Variants in SRD5A1 observed in about 807,000 individuals in gnomAD.
The protein encoded by SRD5A1 is steroid 5 alpha-reductase 1.
In SRD5A1, 22 loss-of-function variants were observed where a neutral mutation model predicts 28.2. The observed-to-expected ratio is 0.78, with a 90% CI of 0.56 to 1.12. The LOEUF is 1.12. Among genes scored for constraint, SRD5A1 ranks in the 50% most tolerant of loss-of-function variants. The pLI, the probability that SRD5A1 is intolerant of heterozygous loss-of-function variation, is 0.00. For synonymous variants in SRD5A1, 151 were observed against 135.0 expected (o/e 1.12, Z -0.82); for missense variants, 300 against 346.7 (o/e 0.87, Z 1.07).
intron 1 of SRD5A1, among the ~76,000 whole-genome samples, chr5:6,651,621 C>G (rs1738674311): frequency 6.6e-6 from 1 of 152,164 alleles, no homozygotes; most frequent in African/African-American, 2.4e-5. Context: ...GATCAAGCCA[C>G]TGTACTGCAG....
At chr5:6,646,377 G>A (rs548097884) in intron 1 of SRD5A1, among the ~76,000 whole-genome samples, 4 of 152,202 alleles carry the variant, frequency 2.6e-5, no homozygotes, top group Admixed American at 2.0e-4. Flanking sequence ...GGATTGCTGG[G>A]GCAAATGGTA....
chr5:6,667,095 T>C (rs1739207846), intron 4 of SRD5A1, among the ~76,000 whole-genome samples: 3 of 152,290 alleles, frequency 2.0e-5, no homozygotes, highest in African/African-American at 4.8e-5. Flanking sequence ...CCAGCGAACA[T>C]GTTTGCAATG....
intron 2 of SRD5A1, among the ~76,000 whole-genome samples, chr5:6,654,748 A>C (rs995793582): frequency 3.3e-5 from 5 of 152,262 alleles, no homozygotes; most frequent in Non-Finnish European, 7.3e-5. Context: ...TTAAGATCTT[A>C]TAAATGGAAT....
intron 1 of SRD5A1, among the ~76,000 whole-genome samples, chr5:6,646,350 G>A (rs545281875): frequency 6.6e-6 from 1 of 152,114 alleles, no homozygotes; most frequent in Non-Finnish European, 1.5e-5. Flanking sequence ...AATCCTTTGG[G>A]TATATACCCA....
At chr5:6,640,228 G>C (rs1170244371) in intron 1 of SRD5A1, among the ~76,000 whole-genome samples, 2 of 152,150 alleles carry the variant, frequency 1.3e-5, no homozygotes, top group South Asian at 4.1e-4. Context: ...GTAAAATAGG[G>C]ATAATAGTCA....
In SRD5A1 at chr5:6,671,373, T is replaced by G. The variant is rs1739354313; in HGVS notation, c.*3105T>G. 6.6e-6 allele frequency: 1 copy of G among 151,970 alleles called. No individual in the cohort carries two copies. The highest frequency in any genetic ancestry group is 1.5e-5 in the Non-Finnish European group (1 of 68,026). The allele number at this position is 151,970 out of a possible 1,614,324, so 9.4% of individuals were successfully genotyped here. ...GGATTGTTTGTTTTTTTCTTACTGATTTGTTTGAGTTTGTTGTAGATTCTG... is the reference window on the plus strand; with the variant it reads ...GGATTGTTTGTTTTTTTCTTACTGAGTTGTTTGAGTTTGTTGTAGATTCTG... On this transcript the variant is annotated 3_prime_UTR_variant, in exon 5 of 5. Transcript: ENST00000274192.
chr5:6,672,948 G>A lies in SRD5A1; in HGVS notation c.*4680G>A, dbSNP rs901115941. ...GTAGAAATATCTCAAATTAATTAGC[G>A]TCTAGCTCTTTGTAAGGTAATTGAC... On this transcript the variant is annotated 3_prime_UTR_variant, in exon 5 of 5. Coordinates refer to ENST00000274192, the MANE Select transcript of SRD5A1 (RefSeq NM_001047.4). 1.3e-5 allele frequency: 2 copies of A among 152,060 alleles called. No individual in the cohort carries two copies. The highest frequency in any genetic ancestry group is 2.9e-5 in the Non-Finnish European group (2 of 68,010). 9.4% of individuals were successfully genotyped at this position (152,060 alleles called of 1,614,324 possible).
chr5:6,640,265 T>G (rs1319651568), intron 1 of SRD5A1, among the ~76,000 whole-genome samples: 3 of 152,172 alleles, frequency 2.0e-5, no homozygotes, highest in African/African-American at 4.8e-5. Context: ...AAAAAGGGCA[T>G]TTAGTATAGG....
chr5:6,651,326 G>A (rs1738666676), intron 1 of SRD5A1, among the ~76,000 whole-genome samples: 1 of 152,126 alleles, frequency 6.6e-6, no homozygotes, highest in African/African-American at 2.4e-5. Context: ...TGTACACTGT[G>A]GTAAACATGA....
chr5:6,648,039 C>T (rs534256168), intron 1 of SRD5A1, among the ~76,000 whole-genome samples: 3 of 152,064 alleles, frequency 2.0e-5, no homozygotes, highest in Non-Finnish European at 4.4e-5. Context: ...CTTAGTTTGG[C>T]TGGATATGAA....
rs930542647 is a variant in SRD5A1 at position 6,633,440 on chromosome 5, C to G, written c.-137C>G. On this transcript the variant is annotated 5_prime_UTR_variant, in exon 1 of 5. Transcript: ENST00000274192. ...CCCCGGAGAAGCCTGACTTGAGAAC[C>G]CTTTCTGCAGAGTCCCGGCAGTGCG... 81 of 1,046,442 alleles carry G rather than the reference C, an allele frequency of 7.7e-5. No individual in the cohort carries two copies. In the Admixed American group the frequency reaches 1.1e-3, roughly 15 times the overall value. 64.8% of individuals were successfully genotyped at this position (1,046,442 alleles called of 1,614,324 possible). A position where few individuals can be genotyped will look rare whatever the true frequency, so the allele number is the denominator to read the frequency against.
chr5:6,663,024 T>A, intron 4 of SRD5A1, 58 bp downstream of exon 4: 1 of 1,579,682 alleles, frequency 6.3e-7, no homozygotes, highest in Non-Finnish European at 8.6e-7. Flanking sequence ...ATTATTACCA[T>A]TTTTCAGGCT....
intron 3 of SRD5A1, among the ~76,000 whole-genome samples, chr5:6,658,205 A>G (rs1032575222): frequency 1.3e-5 from 2 of 152,072 alleles, no homozygotes; most frequent in African/African-American, 2.4e-5. Flanking sequence ...CGTGCCTGTA[A>G]TCCCAGCTAC....
Position 6,635,293 on chromosome 5 carries a change from A to T in SRD5A1, c.293+1424A>T, listed in dbSNP as rs1738149993. ...AGGCTTAGTGAGTACTGTGTGCCTG[A>T]AACTCTTTACCATTGCTTTATTTTT... On this transcript the variant is annotated intron_variant, in intron 1 of 4. Transcript: ENST00000274192. 2.0e-5 allele frequency among the ~76,000 whole-genome samples: 3 copies of T among 152,192 alleles called. No individual in the cohort carries two copies. In the South Asian group the frequency reaches 6.2e-4, roughly 32 times the overall value.
intron 1 of SRD5A1, among the ~76,000 whole-genome samples, chr5:6,639,795 A>G (rs1204176214): frequency 6.6e-6 from 1 of 152,252 alleles, no homozygotes; most frequent in Non-Finnish European, 1.5e-5. Flanking sequence ...ACAAACTTAC[A>G]GGTGAAATAC....
chr5:6,671,358 T>C lies in SRD5A1; in HGVS notation c.*3090T>C, dbSNP rs1360721970. On this transcript the variant is annotated 3_prime_UTR_variant, in exon 5 of 5. Transcript: ENST00000274192. ...ACCCACTTTTTGATGGGATTGTTTG[T>C]TTTTTTCTTACTGATTTGTTTGAGT... 1.3e-5 allele frequency: 2 copies of C among 152,152 alleles called. No individual in the cohort carries two copies. Among genetic ancestry groups the C allele is most frequent in the Non-Finnish European group, 2.9e-5 (2 of 68,016 alleles). 9.4% of individuals were successfully genotyped at this position (152,152 alleles called of 1,614,324 possible).
At chr5:6,646,042 C>T (rs965687992) in intron 1 of SRD5A1, among the ~76,000 whole-genome samples, 22 of 151,998 alleles carry the variant, frequency 1.4e-4, no homozygotes, top group African/African-American at 4.8e-4. Context: ...CCCCTCCCTG[C>T]GTCCATGTGT....
At chr5:6,667,628 C>T (rs1739225167) in intron 4 of SRD5A1, among the ~76,000 whole-genome samples, 1 of 152,204 alleles carries the variant, frequency 6.6e-6, no homozygotes, top group Non-Finnish European at 1.5e-5. Context: ...TGCATTGATA[C>T]AATTTATATC....
At position 6,668,187 on chromosome 5, in the gene SRD5A1, A is replaced by T. The variant is rs1475569505; in HGVS notation, c.714-15A>T. The stretch of plus-strand genomic sequence containing the variant: ...AGCGACAGAATTATTTCCTTTTTTA[A>T]TTTTTTTTTCTTAGGTGGTACCTCC... On this transcript the variant is annotated splice_polypyrimidine_tract_variant and intron_variant, in intron 4 of 4. Transcript: ENST00000274192. 6.7e-6 allele frequency: 10 copies of T among 1,484,930 alleles called. No homozygotes were observed. The highest frequency in any genetic ancestry group is 2.1e-5 in the Admixed American group (1 of 47,702). The allele number at this position is 1,484,930 out of a possible 1,614,324, so 92.0% of individuals were successfully genotyped here.
Sources: allele counts gnomAD v4.1 joint callset (sites outside exome capture counted in the v4.1 genomes callset), GRCh38; gene constraint gnomAD v4.1.1; transcripts MANE v1.5; gene names NCBI Gene and HGNC (gene_info 2026-07-23, HGNC 2026-07-21).